CCDC66: variants seen among roughly 807,000 people sequenced by gnomAD.
The protein encoded by CCDC66 is coiled-coil domain containing 66.
CCDC66 carries 133 observed loss-of-function variants against 128.3 expected under a neutral mutation model. The observed-to-expected ratio is 1.04, with a 90% CI of 0.90 to 1.20. The LOEUF (loss-of-function observed/expected upper bound fraction) is 1.20. Among genes scored for constraint, CCDC66 ranks in the 50% most tolerant of loss-of-function variants. The pLI, the probability that CCDC66 is intolerant of heterozygous loss-of-function variation, is 0.00. For missense variants in CCDC66, 1,126 were observed against 1,075.5 expected (o/e 1.05, Z -0.66); for synonymous variants, 387 against 357.0 (o/e 1.08, Z -0.95).
At chr3:56,576,675 C>G (rs1264268665) in intron 7 of CCDC66, among the ~76,000 whole-genome samples, 1 of 151,004 alleles carries the variant, frequency 6.6e-6, no homozygotes, top group African/African-American at 2.4e-5. Context: ...TCTCTCCTTG[C>G]AATAGTTTGC....
chr3:56,617,639 G>A (rs889481649), intron 14 of CCDC66, 34 bp downstream of exon 14: 16 of 1,555,374 alleles, frequency 1.0e-5, no homozygotes, highest in African/African-American at 5.5e-5. Context: ...ATGTGTTGAC[G>A]TTTCTGGATT....
At chr3:56,601,301 C>T (rs1559725933) in intron 10 of CCDC66, among the ~76,000 whole-genome samples, 1 of 152,056 alleles carries the variant, frequency 6.6e-6, no homozygotes, top group East Asian at 1.9e-4. Flanking sequence ...GGTGTTATTT[C>T]TGAGGCCTCT....
chr3:56,614,307 G>A (rs964847100), intron 11 of CCDC66, among the ~76,000 whole-genome samples: 6 of 152,066 alleles, frequency 3.9e-5, no homozygotes, highest in Admixed American at 2.0e-4. Context: ...AATTACCTAT[G>A]TGCTTCATTT....
chr3:56,590,213 C>A (rs1421731961), intron 7 of CCDC66, among the ~76,000 whole-genome samples: 1 of 152,160 alleles, frequency 6.6e-6, no homozygotes, highest in Non-Finnish European at 1.5e-5. Flanking sequence ...AGTGTTCTTT[C>A]CCAAAGCTGC....
intron 13 of CCDC66, chr3:56,616,549 T>A (rs1269776445): frequency 6.4e-6 from 1 of 157,248 alleles, no homozygotes; most frequent in Admixed American, 6.5e-5. Flanking sequence ...ACCACATTTT[T>A]ATTCATGAGT....
In CCDC66 at chr3:56,563,740, T is replaced by A; in HGVS notation, c.159T>A (p.Ile53=). 1 of 1,551,594 alleles carries A rather than the reference T, an allele frequency of 6.4e-7. No homozygotes were observed. The highest frequency in any genetic ancestry group is 8.7e-7 in the Non-Finnish European group (1 of 1,146,948). ...CTTTAAGAACAAAAACTGGGCACAT[T>A]CTAAAATCAACACAAGATACTTGTA... ...KCPLRTKTGH[I]LKSTQDTCIG... The change falls in exon 4 of 18, where the codon ATT becomes ATA. Residue 53 remains isoleucine (I), a synonymous_variant. Coordinates refer to ENST00000394672, the MANE Select transcript of CCDC66 (RefSeq NM_001141947.3).
intron 10 of CCDC66, among the ~76,000 whole-genome samples, chr3:56,607,349 G>T (rs1478489079): frequency 6.6e-6 from 1 of 151,996 alleles, no homozygotes; most frequent in African/African-American, 2.4e-5. Context: ...CCTTATAGAG[G>T]TCTTTCGACT....
intron 8 of CCDC66, 141 bp downstream of exon 8, chr3:56,593,242 T>C (rs1265288205): frequency 2.5e-6 from 2 of 796,046 alleles, no homozygotes; most frequent in Non-Finnish European, 1.9e-6. Flanking sequence ...ACCTGTTTCA[T>C]TGAATGCATT....
intron 6 of CCDC66, 28 bp from the exon 7 acceptor site, chr3:56,571,153 A>AT (rs770669932): frequency 9.6e-6 from 14 of 1,454,612 alleles, no homozygotes; most frequent in African/African-American, 5.8e-5. Flanking sequence ...GTTTTTGTAC[A>AT]TTTTTTTAAA....
intron 7 of CCDC66, among the ~76,000 whole-genome samples, chr3:56,580,988 G>A (rs1256262222): frequency 6.6e-6 from 1 of 151,804 alleles, no homozygotes; most frequent in Non-Finnish European, 1.5e-5. Context: ...TCTCCTGGAT[G>A]ATATCCTGCA....
rs770887123 is a variant in CCDC66 at position 56,593,711 on chromosome 3, A to G, written c.1289A>G (p.Asp430Gly). 16 of 1,613,780 alleles carry G rather than the reference A, an allele frequency of 9.9e-6. No individual in the cohort carries two copies. In the South Asian group the frequency reaches 1.8e-4, roughly 18 times the overall value. ...EEEHIAKPIK[D>G]VVMANSKKTN... ...GAGCATATAGCAAAACCTATTAAGG[A>G]TGTGGTTATGGCAAACAGTAAGAAA... Residue 430 changes from aspartate (D) to glycine (G), a missense_variant, in exon 9 of 18, where the codon GAT becomes GGT. Coordinates refer to ENST00000394672, the MANE Select transcript of CCDC66 (RefSeq NM_001141947.3).
intron 3 of CCDC66, chr3:56,561,317 G>T (rs1273108751): frequency 4.4e-6 from 2 of 455,410 alleles, no homozygotes; most frequent in Admixed American, 4.7e-5. Flanking sequence ...AACCAACTCA[G>T]AACATCTGAA....
chr3:56,558,774 A>G (rs753960101), intron 1 of CCDC66, 72 bp from the exon 2 acceptor site: 4 of 1,008,296 alleles, frequency 4.0e-6, no homozygotes, highest in South Asian at 2.7e-5. Context: ...TCAGGTTCAA[A>G]TGAACATTTC....
At chr3:56,586,043 C>T (rs779429666) in intron 7 of CCDC66, among the ~76,000 whole-genome samples, 15 of 151,790 alleles carry the variant, frequency 9.9e-5, no homozygotes, top group Non-Finnish European at 7.4e-5. Flanking sequence ...CAAACACACA[C>T]AAAAAGCAGA....
At chr3:56,604,936 A>G (rs1577877971) in intron 10 of CCDC66, among the ~76,000 whole-genome samples, 2 of 150,240 alleles carry the variant, frequency 1.3e-5, no homozygotes, top group South Asian at 4.3e-4. Flanking sequence ...CTTTTCACAT[A>G]CTCCCACATT....
At chr3:56,604,524 C>T (rs2073766188) in intron 10 of CCDC66, among the ~76,000 whole-genome samples, 1 of 151,740 alleles carries the variant, frequency 6.6e-6, no homozygotes, top group Non-Finnish European at 1.5e-5. Context: ...TTTATTTCTC[C>T]TTTGCTTATG....
At position 56,621,611 on chromosome 3, in the gene CCDC66, C is replaced by T. The variant is rs1384602332; in HGVS notation, c.2840C>T (p.Ser947Leu). ...AATCAAGAAGAGAGTTTTGGTTCTT[C>T]ATTTTAAATGTAGAAAATCAAATCC... ...AENQEESFGS[S>L]F is the part of the protein sequence containing the mutation. Residue 947 changes from serine (S) to leucine (L), a missense_variant, in exon 18 of 18, where the codon TCA (serine) becomes TTA (leucine). Coordinates refer to ENST00000394672, the MANE Select transcript of CCDC66 (RefSeq NM_001141947.3). 1 of 1,594,066 alleles carries T rather than the reference C, an allele frequency of 6.3e-7. No individual in the cohort carries two copies. The highest frequency in any genetic ancestry group is 8.5e-7 in the Non-Finnish European group (1 of 1,170,260).
intron 7 of CCDC66, among the ~76,000 whole-genome samples, chr3:56,577,668 A>G (rs1354394123): frequency 6.6e-6 from 1 of 151,878 alleles, no homozygotes; most frequent in Non-Finnish European, 1.5e-5. Context: ...CCATTTATGA[A>G]GTAAGGAATC....
intron 7 of CCDC66, among the ~76,000 whole-genome samples, chr3:56,591,117 G>C (rs2070815518): frequency 1.3e-5 from 2 of 152,190 alleles, no homozygotes; most frequent in African/African-American, 2.4e-5. Context: ...GAAAAAGAAT[G>C]TAAGAATAAT....
Sources: allele counts gnomAD v4.1 joint callset (sites outside exome capture counted in the v4.1 genomes callset), GRCh38; gene constraint gnomAD v4.1.1; transcripts MANE v1.5; gene names NCBI Gene and HGNC (gene_info 2026-07-23, HGNC 2026-07-21).